The following TTLL9 variants were observed in gnomAD, a reference collection of about 807,000 sequenced individuals.
The protein encoded by TTLL9 is probable tubulin polyglutamylase TTLL9.
A neutral mutation model predicts 65.6 loss-of-function variants in TTLL9; 47 were observed. That is an observed-to-expected ratio of 0.72 (90% CI 0.57 to 0.91). TTLL9 has a LOEUF of 0.91. Among genes scored for constraint, TTLL9 ranks in the 40% least tolerant of loss-of-function variants. The pLI, the probability that TTLL9 is intolerant of heterozygous loss-of-function variation, is 0.00. For missense variants in TTLL9, 537 were observed against 568.8 expected, an observed-to-expected ratio of 0.94 and a Z score of 0.57; for synonymous variants, 179 against 204.8, an observed-to-expected ratio of 0.87 and a Z score of 1.07.
chr20:31,919,677 C>G (rs946029795), intron 6 of TTLL9, among the ~76,000 whole-genome samples, 187 bp from the exon 7 acceptor site: 1 of 152,134 alleles, frequency 6.6e-6, no homozygotes, highest in African/African-American at 2.4e-5. Flanking sequence ...CCCCTCCCTT[C>G]CCTCTCTCCC....
At position 31,934,763 on chromosome 20, in the gene TTLL9, A is replaced by G; in HGVS notation, c.879A>G (p.Thr293=). 6.2e-7 allele frequency: 1 copy of G among 1,613,304 alleles called. No individual in the cohort carries two copies. Among genetic ancestry groups the G allele is most frequent in the Non-Finnish European group, 8.5e-7 (1 of 1,179,996 alleles). Residue 293 remains threonine (T), a synonymous_variant, in exon 12 of 15, where the codon ACA becomes ACG. Transcript: ENST00000535842. ...AACACGGGCCCGAGGCAGTGGAGAC[A>G]CTCTTCAGGGACATCGACAACATCT... ...ASKHGPEAVE[T]LFRDIDNIFV... is the part of the protein sequence containing the mutation.
At position 31,943,233 on chromosome 20, in the gene TTLL9, CAATCACTGGGACTGGGGGAGGTTT is replaced by C; in HGVS notation, c.*215_*238del. The C allele has an allele frequency of 1.7e-6, 1 of 599,290 alleles. No individual in the cohort carries two copies. The highest frequency in any genetic ancestry group is 3.0e-6 in the Non-Finnish European group (1 of 334,832). 37.1% of individuals were successfully genotyped at this position (599,290 alleles called of 1,614,324 possible). On this transcript the variant is annotated 3_prime_UTR_variant, in exon 15 of 15. Transcript: ENST00000535842. ...AGGCATCTTTGCACCAGGAGACAGC[CAATCACTGGGACTGGGGGAGGTTT>C]AACCTTGACAAACTGACTTGGCAGT...
At chr20:31,873,594 G>A (rs2062970282) in intron 2 of TTLL9, among the ~76,000 whole-genome samples, 2 of 150,992 alleles carry the variant, frequency 1.3e-5, no homozygotes, top group African/African-American at 4.9e-5. Flanking sequence ...AGGCTGCAGT[G>A]ACCTGTGATC....
Position 31,943,873 on chromosome 20 carries a change from T to C in TTLL9, c.*852T>C, listed in dbSNP as rs1455673534. 4.4e-6 allele frequency: 2 copies of C among 456,076 alleles called. No individual in the cohort carries two copies. The highest frequency in any genetic ancestry group is 8.8e-6 in the Non-Finnish European group (2 of 226,784). 28.3% of individuals were successfully genotyped at this position (456,076 alleles called of 1,614,324 possible). Reference sequence around the variant, plus strand: ...GAGTAAAAATCTGCCTTTTCACATCTTACATTGCTAAGCTTCCTCTTGGTT... The same window carrying C: ...GAGTAAAAATCTGCCTTTTCACATCCTACATTGCTAAGCTTCCTCTTGGTT... On this transcript the variant is annotated 3_prime_UTR_variant, in exon 15 of 15. Coordinates refer to ENST00000535842, the MANE Select transcript of TTLL9 (RefSeq NM_001008409.5).
chr20:31,915,637 A>G (rs1474152854), intron 6 of TTLL9, among the ~76,000 whole-genome samples: 2 of 152,162 alleles, frequency 1.3e-5, no homozygotes, highest in Non-Finnish European at 2.9e-5. Context: ...AGATTTAACT[A>G]TCTCAGATTT....
rs750794913 is a variant in TTLL9 at position 31,934,871 on chromosome 20, C to T, written c.987C>T (p.Ile329=). 42 of 1,611,606 alleles carry T rather than the reference C, an allele frequency of 2.6e-5. 1 individual carries two copies. The South Asian group carries it at 3.1e-4, about 12-fold the overall frequency. The change falls in exon 12 of 15, where the codon ATC becomes ATT. Residue 329 remains isoleucine (I), a synonymous_variant. Transcript: ENST00000535842. The stretch of plus-strand genomic sequence containing the variant: ...AGCTGTACGGCTATGACATCCTCAT[C>T]GACCAGGACCTCAAGCCGTAAGTGG... ...CFELYGYDIL[I]DQDLKPWLLE... is the part of the protein sequence containing the mutation.
intron 14 of TTLL9, among the ~76,000 whole-genome samples, chr20:31,941,638 A>C (rs2064212675): frequency 6.6e-6 from 1 of 151,930 alleles, no homozygotes; most frequent in African/African-American, 2.4e-5. Context: ...AGCTCACTGT[A>C]ACTAACCTCA....
At chr20:31,936,254 T>C (rs1157244415) in intron 12 of TTLL9, among the ~76,000 whole-genome samples, 1 of 152,142 alleles carries the variant, frequency 6.6e-6, no homozygotes, top group Non-Finnish European at 1.5e-5. Flanking sequence ...TGTTTTTGTT[T>C]TTAATTTCAA....
rs190786539 is a variant in TTLL9, at chr20:31,914,233, A to G, written c.504+4311A>G. On this transcript the variant is annotated intron_variant, in intron 6 of 14. Transcript: ENST00000535842. ...AGAGTCGGGATGCTTTACTCAGTAA[A>G]TAATAGAAAATCCAAATAACAGTAG... Among the ~76,000 whole-genome samples, 17 of 152,360 alleles carry G rather than the reference A, an allele frequency of 1.1e-4. No homozygotes were observed. The Middle Eastern group carries it at 0.01, about 91-fold the overall frequency.
At chr20:31,873,821 G>GAAAGAAAGAAAGAAAAAGAAAGA (rs2062991828) in intron 2 of TTLL9, among the ~76,000 whole-genome samples, 59 of 96,070 alleles carry the variant, frequency 6.1e-4, no homozygotes, top group Non-Finnish European at 6.2e-4. Context: ...AGGAAGGAAG[G>GAAAGAAAGAAAGAAAAAGAAAGA]AAGAAAGAAA....
At chr20:31,930,786 G>A (rs1441318010) in intron 10 of TTLL9, among the ~76,000 whole-genome samples, 2 of 152,116 alleles carry the variant, frequency 1.3e-5, no homozygotes, top group Admixed American at 1.3e-4. Context: ...CTGTTTCTCT[G>A]TGGATTTATT....
At chr20:31,890,080 CTT>C (rs2063274689) in intron 3 of TTLL9, among the ~76,000 whole-genome samples, 1 of 138,518 alleles carries the variant, frequency 7.2e-6, no homozygotes, top group Non-Finnish European at 1.5e-5. Context: ...TGCTTTCTTG[CTT>C]TCTTGCTTTC....
intron 13 of TTLL9, among the ~76,000 whole-genome samples, chr20:31,938,671 C>CCAG (rs2064156816): frequency 6.6e-6 from 1 of 152,036 alleles, no homozygotes; most frequent in African/African-American, 2.4e-5. Context: ...TGAGGTCAGG[C>CCAG]GTTTGAGACC....
chr20:31,905,808 C>T (rs571640949), intron 4 of TTLL9, among the ~76,000 whole-genome samples: 1 of 152,166 alleles, frequency 6.6e-6, no homozygotes, highest in East Asian at 1.9e-4. Context: ...CCAAGGCAGG[C>T]GGATCACCTG....
At position 31,934,800 on chromosome 20, in the gene TTLL9, C is replaced by T. The variant is rs748343321; in HGVS notation, c.916C>T (p.Leu306=). The change falls in exon 12 of 15, where the codon CTG becomes TTG. Residue 306 remains leucine (L), a synonymous_variant. Coordinates refer to ENST00000535842, the MANE Select transcript of TTLL9 (RefSeq NM_001008409.5). ...RDIDNIFVKS[L]QSVQKVIISD... Reference sequence around the variant, plus strand: ...CATCGACAACATCTTTGTCAAAAGCCTGCAGAGTGTGCAGAAGGTGATCAT... The same window carrying T: ...CATCGACAACATCTTTGTCAAAAGCTTGCAGAGTGTGCAGAAGGTGATCAT... The T allele has an allele frequency of 6.2e-7, 1 of 1,614,000 alleles. No homozygotes were observed. The highest frequency in any genetic ancestry group is 8.5e-7 in the Non-Finnish European group (1 of 1,180,030).
chr20:31,911,831 C>CGTGTGTGT (rs55996863), intron 6 of TTLL9, among the ~76,000 whole-genome samples: 149 of 142,314 alleles, frequency 1.0e-3, no homozygotes, highest in African/African-American at 2.4e-3. Flanking sequence ...TGTGTCTGTG[C>CGTGTGTGT]GTGTGTGTGT....
chr20:31,873,828 G>GAAAGAAAGAA (rs1237441864), intron 2 of TTLL9, among the ~76,000 whole-genome samples: 1,635 of 61,386 alleles, frequency 0.027, 25 homozygotes, highest in Non-Finnish European at 0.035. Flanking sequence ...AAGGAAGAAA[G>GAAAGAAAGAA]AAAGAAAGAA....
chr20:31,873,821 G>GAAAGA (rs2062991828), intron 2 of TTLL9, among the ~76,000 whole-genome samples: 8 of 95,982 alleles, frequency 8.3e-5, no homozygotes, highest in African/African-American at 2.8e-4. Context: ...AGGAAGGAAG[G>GAAAGA]AAGAAAGAAA....
intron 13 of TTLL9, 37 bp downstream of exon 13, chr20:31,937,546 A>G: frequency 6.5e-7 from 1 of 1,538,798 alleles, no homozygotes; most frequent in Non-Finnish European, 8.9e-7. Context: ...GTCCTTGTAC[A>G]TGACAACTGA....
Sources: allele counts gnomAD v4.1 joint callset (sites outside exome capture counted in the v4.1 genomes callset), GRCh38; gene constraint gnomAD v4.1.1; transcripts MANE v1.5; gene names NCBI Gene and HGNC (gene_info 2026-07-23, HGNC 2026-07-21).